The following STK4 variants were observed in gnomAD, a reference collection of about 807,000 sequenced individuals.
STK4 encodes the protein serine/threonine kinase 4.
Under a neutral mutation model 64.9 loss-of-function variants are expected in STK4, and 30 were observed. The observed-to-expected ratio is 0.46, with a 90% confidence interval of 0.35 to 0.63. The LOEUF is 0.63. Ranked by LOEUF, STK4 falls within the 20% of genes least tolerant of loss-of-function variation. The pLI is 0.01. For synonymous variants in STK4, 177 were observed against 199.0 expected, an observed-to-expected ratio of 0.89 and a Z score of 0.93; for missense variants, 466 against 598.5, an observed-to-expected ratio of 0.78 and a Z score of 2.31.
chr20:45,037,606 G>T (rs917074340), intron 10 of STK4, among the ~76,000 whole-genome samples: 1 of 152,112 alleles, frequency 6.6e-6, no homozygotes, highest in Admixed American at 6.6e-5. Context: ...AAGCCATTCA[G>T]TTGGCTTTTT....
chr20:44,988,541 A>ATGTGTGTG (rs1464378385), intron 5 of STK4, among the ~76,000 whole-genome samples: 42 of 123,626 alleles, frequency 3.4e-4, no homozygotes, highest in African/African-American at 1.6e-3. Flanking sequence ...GTGTATATAT[A>ATGTGTGTG]TATATATATA....
At chr20:44,975,827 T>C (rs932299923) in intron 2 of STK4, 2 of 152,228 alleles carry the variant, frequency 1.3e-5, no homozygotes, top group African/African-American at 4.8e-5. Flanking sequence ...TTAAGTTGTA[T>C]ATCCCAGACT....
intron 5 of STK4, among the ~76,000 whole-genome samples, chr20:44,991,094 T>C (rs1409551087): frequency 6.6e-6 from 1 of 152,244 alleles, no homozygotes; most frequent in Non-Finnish European, 1.5e-5. Flanking sequence ...ATCCTTTTAG[T>C]ATCTTTTTGA....
At chr20:45,017,390 G>A (rs1319327877) in intron 9 of STK4, among the ~76,000 whole-genome samples, 3 of 152,208 alleles carry the variant, frequency 2.0e-5, no homozygotes, top group Non-Finnish European at 4.4e-5. Flanking sequence ...ACAAATGCTA[G>A]GTAAGTGGTA....
chr20:44,985,024 A>G (rs1481027434), intron 4 of STK4, among the ~76,000 whole-genome samples: 1 of 152,154 alleles, frequency 6.6e-6, no homozygotes, highest in African/African-American at 2.4e-5. Flanking sequence ...AGGCAGTGCT[A>G]CTTCAACTGA....
intron 10 of STK4, among the ~76,000 whole-genome samples, chr20:45,054,883 C>G (rs1244053456): frequency 6.6e-6 from 1 of 152,120 alleles, no homozygotes; most frequent in African/African-American, 2.4e-5. Context: ...CAACAAGGTC[C>G]CTGAATCTGC....
intron 4 of STK4, among the ~76,000 whole-genome samples, chr20:44,984,185 T>C (rs970305643): frequency 1.8e-5 from 2 of 108,228 alleles, no homozygotes; most frequent in Non-Finnish European, 3.6e-5. Context: ...TTGTTGTCGT[T>C]GTTTTTTTTT....
intron 9 of STK4, 147 bp downstream of exon 9, chr20:45,001,500 G>A (rs973870707): frequency 1.0e-5 from 10 of 952,848 alleles, no homozygotes; most frequent in Admixed American, 3.3e-5. Flanking sequence ...TTTGCGATGG[G>A]GACAGGAGGT....
intron 5 of STK4, among the ~76,000 whole-genome samples, chr20:44,990,162 G>C (rs1392819653): frequency 6.6e-6 from 1 of 152,124 alleles, no homozygotes; most frequent in Non-Finnish European, 1.5e-5. Flanking sequence ...ATTGTCTTCC[G>C]ATCTATGAAT....
intron 4 of STK4, among the ~76,000 whole-genome samples, chr20:44,983,986 G>T (rs1295518674): frequency 6.6e-6 from 1 of 151,802 alleles, no homozygotes; most frequent in South Asian, 2.1e-4. Flanking sequence ...TCCAAAACTG[G>T]AATAATTTAT....
intron 4 of STK4, among the ~76,000 whole-genome samples, chr20:44,985,813 C>T (rs1261516627): frequency 1.3e-5 from 2 of 152,184 alleles, no homozygotes; most frequent in African/African-American, 4.8e-5. Context: ...CAGTAACTTG[C>T]TTAAGTCACA....
chr20:45,008,128 C>T (rs1266729659), intron 9 of STK4, among the ~76,000 whole-genome samples: 1 of 152,208 alleles, frequency 6.6e-6, no homozygotes, highest in Non-Finnish European at 1.5e-5. Context: ...GACCTCGACT[C>T]ACTGCAACCT....
intron 10 of STK4, among the ~76,000 whole-genome samples, chr20:45,031,747 C>CA (rs1311789769): frequency 6.6e-6 from 1 of 151,710 alleles, no homozygotes; most frequent in African/African-American, 2.4e-5. Context: ...ACTAAAAGTA[C>CA]AAAAAATTAG....
Position 45,022,536 on chromosome 20 carries a change from G to A in STK4, c.1148-2437G>A, listed in dbSNP as rs2068266825. On this transcript the variant is annotated intron_variant, in intron 9 of 10. Coordinates refer to ENST00000372806, the MANE Select transcript of STK4 (RefSeq NM_006282.5). ...TTTCATCTGAACAGTGACAGAAATAGACAAATAATTATATTCTCACTTAAC... is the reference window on the plus strand; with the variant it reads ...TTTCATCTGAACAGTGACAGAAATAAACAAATAATTATATTCTCACTTAAC... 3.3e-5 allele frequency among the ~76,000 whole-genome samples: 5 copies of A among 152,068 alleles called. No homozygotes were observed. In the South Asian group the frequency reaches 1.0e-3, roughly 32 times the overall value.
chr20:45,004,774 CT>C (rs112356453), intron 9 of STK4, among the ~76,000 whole-genome samples: 32 of 117,868 alleles, frequency 2.7e-4, no homozygotes, highest in Non-Finnish European at 3.8e-4. Context: ...TTTCTTTTTT[CT>C]TTTTTTTTTT....
chr20:44,992,611 A>G (rs1048460777), intron 5 of STK4, among the ~76,000 whole-genome samples: 10 of 151,820 alleles, frequency 6.6e-5, no homozygotes, highest in African/African-American at 1.9e-4. Context: ...GGCTCAAGTG[A>G]TCCTCCCACC....
At chr20:45,005,658 A>C (rs1015165569) in intron 9 of STK4, among the ~76,000 whole-genome samples, 3 of 151,602 alleles carry the variant, frequency 2.0e-5, no homozygotes, top group Admixed American at 2.0e-4. Context: ...AAAAAAAAAA[A>C]AAAAAAAAAC....
At chr20:44,984,186 G>GTTTTTTTTTTTTTTTTTTTTTTTTTT (rs11397664) in intron 4 of STK4, among the ~76,000 whole-genome samples, 1 of 76,054 alleles carries the variant, frequency 1.3e-5, no homozygotes, top group African/African-American at 5.3e-5. Flanking sequence ...TGTTGTCGTT[G>GTTTTTTTTTTTTTTTTTTTTTTTTTT]TTTTTTTTTT....
intron 10 of STK4, among the ~76,000 whole-genome samples, chr20:45,066,247 A>G (rs1267500124): frequency 2.0e-5 from 3 of 151,996 alleles, no homozygotes; most frequent in African/African-American, 7.3e-5. Flanking sequence ...AAATATATAC[A>G]TCTGTGGTTT....
Sources: allele counts gnomAD v4.1 joint callset (sites outside exome capture counted in the v4.1 genomes callset), GRCh38; gene constraint gnomAD v4.1.1; transcripts MANE v1.5; gene names NCBI Gene and HGNC (gene_info 2026-07-23, HGNC 2026-07-21).